Variants in ACOXL observed in about 807,000 individuals in gnomAD.
ACOXL encodes acyl-coenzyme A oxidase-like protein.
ACOXL carries 70 observed loss-of-function variants against 71.9 expected under a neutral mutation model. The ratio of observed to expected loss-of-function variants is 0.97; its 90% CI spans 0.80 to 1.19. ACOXL has a LOEUF of 1.19. ACOXL is among the 50% of genes most tolerant of loss of function. ACOXL has a pLI of 0.00. For synonymous variants in ACOXL, 253 were observed against 281.6 expected (o/e 0.90, Z 1.02); for missense variants, 703 against 736.3 (o/e 0.95, Z 0.52).
intron 1 of ACOXL, among the ~76,000 whole-genome samples, chr2:110,767,279 G>A (rs1681215697): frequency 1.3e-5 from 2 of 152,274 alleles, no homozygotes; most frequent in South Asian, 4.1e-4. Context: ...CACCAAGGTG[G>A]GGCTAGATGT....
chr2:111,022,754 C>T (rs1399551266), intron 14 of ACOXL, among the ~76,000 whole-genome samples: 1 of 152,160 alleles, frequency 6.6e-6, no homozygotes, highest in Non-Finnish European at 1.5e-5. Flanking sequence ...TAGGGGCCTG[C>T]AGCAGAGGGA....
intron 10 of ACOXL, among the ~76,000 whole-genome samples, chr2:110,846,617 G>A (rs1691868215): frequency 7.7e-6 from 1 of 130,142 alleles, no homozygotes; most frequent in African/African-American, 2.7e-5. Flanking sequence ...CCTCCCGCAT[G>A]TGAGCATGCA....
chr2:110,963,772 TA>T, intron 12 of ACOXL: 1 of 1,599,342 alleles, frequency 6.3e-7, no homozygotes, highest in East Asian at 2.2e-5. Flanking sequence ...AAGTGTTTCA[TA>T]TATTTTATCT....
chr2:111,071,257 G>A (rs2067327151), intron 16 of ACOXL, among the ~76,000 whole-genome samples: 1 of 152,114 alleles, frequency 6.6e-6, no homozygotes, highest in Non-Finnish European at 1.5e-5. Flanking sequence ...CCACTAAGAT[G>A]AACATCCCCC....
At chr2:110,791,864 G>A (rs1684689391) in intron 3 of ACOXL, among the ~76,000 whole-genome samples, 1 of 152,152 alleles carries the variant, frequency 6.6e-6, no homozygotes, top group Non-Finnish European at 1.5e-5. Context: ...AAGCAAAAAT[G>A]GTACTTATTG....
intron 12 of ACOXL, among the ~76,000 whole-genome samples, chr2:110,953,037 A>G (rs2061380907): frequency 6.6e-6 from 1 of 152,170 alleles, no homozygotes; most frequent in South Asian, 2.1e-4. Context: ...TATAGCCAAC[A>G]TTTGTTGAAT....
intron 9 of ACOXL, among the ~76,000 whole-genome samples, chr2:110,823,955 T>G (rs539571696): frequency 3.3e-5 from 5 of 152,198 alleles, no homozygotes; most frequent in South Asian, 2.1e-4. Flanking sequence ...GGGCAGAAGT[T>G]TTTAATTTTA....
At chr2:110,994,086 C>T (rs1263202321) in intron 13 of ACOXL, among the ~76,000 whole-genome samples, 2 of 152,188 alleles carry the variant, frequency 1.3e-5, no homozygotes, top group African/African-American at 4.8e-5. Flanking sequence ...CCCCTTCCTG[C>T]AGCACGTGCA....
chr2:111,031,196 A>G (rs1408952284), intron 14 of ACOXL, among the ~76,000 whole-genome samples: 1 of 152,202 alleles, frequency 6.6e-6, no homozygotes, highest in Non-Finnish European at 1.5e-5. Context: ...TGTTTGAGAA[A>G]CACTTTGGAA....
intron 11 of ACOXL, among the ~76,000 whole-genome samples, chr2:110,929,961 G>A (rs2060419096): frequency 6.6e-6 from 1 of 152,212 alleles, no homozygotes; most frequent in Non-Finnish European, 1.5e-5. Context: ...CAGGGGCGGG[G>A]CCCTCATGGA....
In ACOXL at chr2:110,956,093, G is replaced by A. The variant is rs145641663; in HGVS notation, c.1059+22451G>A. Among the ~76,000 whole-genome samples, 1,270 of 152,032 alleles carry A rather than the reference G, an allele frequency of 8.4e-3. 23 individuals carry two copies. The highest frequency in any genetic ancestry group is 0.029 in the African/African-American group (1,192 of 41,454). On this transcript the variant is annotated intron_variant, in intron 12 of 17. Coordinates refer to ENST00000439055, the MANE Select transcript of ACOXL (RefSeq NM_001142807.4). ...TGGGATTACAGGCAAGTGCTACTAC[G>A]TCCGGCTAATTTTGTATTTTTAGTA...
intron 1 of ACOXL, among the ~76,000 whole-genome samples, chr2:110,742,196 T>C (rs1482390631): frequency 6.6e-6 from 1 of 152,144 alleles, no homozygotes; most frequent in Non-Finnish European, 1.5e-5. Flanking sequence ...AAAGCATGTT[T>C]TTGATATGGG....
At chr2:110,786,151 G>C (rs1040599163) in intron 3 of ACOXL, among the ~76,000 whole-genome samples, 4 of 152,162 alleles carry the variant, frequency 2.6e-5, no homozygotes, top group Non-Finnish European at 5.9e-5. Flanking sequence ...CTGGATCTCA[G>C]AATGATTCCT....
chr2:110,932,026 T>C (rs1260711141), intron 11 of ACOXL, among the ~76,000 whole-genome samples: 1 of 152,208 alleles, frequency 6.6e-6, no homozygotes, highest in Non-Finnish European at 1.5e-5. Context: ...ACAACCAAAA[T>C]GTTCATCAAC....
At position 110,783,405 on chromosome 2, in the gene ACOXL, T is replaced by C. The variant is rs879236591; in HGVS notation, c.76-1327T>C. On this transcript the variant is annotated intron_variant, in intron 2 of 17. Transcript: ENST00000439055. ...TAGGAAATAATCAATACAAGATGCA[T>C]TGGGTTGGAGCCATGGTAAGAGTCA... 5.3e-5 allele frequency among the ~76,000 whole-genome samples: 8 copies of C among 152,296 alleles called. 1 individual carries two copies. The highest frequency in any genetic ancestry group is 4.8e-5 in the African/African-American group (2 of 41,548).
chr2:110,945,902 A>C (rs1371018750), intron 12 of ACOXL, among the ~76,000 whole-genome samples: 1 of 152,008 alleles, frequency 6.6e-6, no homozygotes, highest in Non-Finnish European at 1.5e-5. Context: ...TGGTAGTTTC[A>C]TAGGAATAGC....
At chr2:111,030,497 T>G (rs2065216338) in intron 14 of ACOXL, among the ~76,000 whole-genome samples, 1 of 152,202 alleles carries the variant, frequency 6.6e-6, no homozygotes, top group South Asian at 2.1e-4. Context: ...CAGGTGATGT[T>G]GCTAAATTAT....
At chr2:110,736,733 C>T (rs1676901805) in intron 1 of ACOXL, among the ~76,000 whole-genome samples, 1 of 152,100 alleles carries the variant, frequency 6.6e-6, no homozygotes, top group South Asian at 2.1e-4. Flanking sequence ...CATTCTCCTG[C>T]CTCAGCTTCC....
chr2:111,013,467 G>C (rs1216514224), intron 14 of ACOXL, among the ~76,000 whole-genome samples: 2 of 143,318 alleles, frequency 1.4e-5, no homozygotes, highest in Non-Finnish European at 3.0e-5. Flanking sequence ...AGATTGCAGT[G>C]AGCTGAGATC....
Sources: allele counts gnomAD v4.1 joint callset (sites outside exome capture counted in the v4.1 genomes callset), GRCh38; gene constraint gnomAD v4.1.1; transcripts MANE v1.5; gene names NCBI Gene and HGNC (gene_info 2026-07-23, HGNC 2026-07-21).